SEM1: variants seen among roughly 807,000 people sequenced by gnomAD.
SEM1 encodes SEM1 26S proteasome subunit.
A neutral mutation model predicts 12.7 loss-of-function variants in SEM1; 3 were observed. That is an observed-to-expected ratio of 0.24 (90% CI 0.11 to 0.61). The LOEUF is 0.61. Ranked by LOEUF, SEM1 falls within the 20% of genes least tolerant of loss-of-function variation. The probability of loss-of-function intolerance (pLI) is 0.88; values close to 1 mark genes in which losing one functional copy is unlikely to be tolerated. For synonymous variants in SEM1, 30 were observed against 27.8 expected (o/e 1.08, Z -0.25); for missense variants, 59 against 81.3 (o/e 0.73, Z 1.06).
chr7:96,517,688 GATAGTAACAAATAGTC>G (rs1303952573), intron 2 of SEM1, among the ~76,000 whole-genome samples: 1 of 152,038 alleles, frequency 6.6e-6, no homozygotes, highest in African/African-American at 2.4e-5. Flanking sequence ...GTATGCTTGG[GATAGTAACAAATAGTC>G]ATGGTGAATA....
At chr7:96,545,734 C>G (rs1163269012) in intron 2 of SEM1, among the ~76,000 whole-genome samples, 1 of 152,054 alleles carries the variant, frequency 6.6e-6, no homozygotes, top group Non-Finnish European at 1.5e-5. Context: ...CAAAGACTAT[C>G]CATATTTGGC....
chr7:96,594,348 C>A (rs1398941239), intron 2 of SEM1, among the ~76,000 whole-genome samples: 1 of 152,068 alleles, frequency 6.6e-6, no homozygotes, highest in African/African-American at 2.4e-5. Context: ...GAGCTCCTTC[C>A]CACTCTATTC....
intron 2 of SEM1, chr7:96,664,098 C>G (rs1442575307): frequency 1.3e-5 from 2 of 152,166 alleles, no homozygotes; most frequent in Admixed American, 1.3e-4. Flanking sequence ...GAATTCACAA[C>G]CCAGTAATTC....
chr7:96,491,121 G>A (rs999170075), intron 1 of SEM1, among the ~76,000 whole-genome samples: 6 of 152,260 alleles, frequency 3.9e-5, no homozygotes, highest in African/African-American at 1.4e-4. Context: ...CTTTGAAAGA[G>A]AGAGGTTTGG....
chr7:96,500,793 G>T (rs1034359626), upstream of SEM1, among the ~76,000 whole-genome samples: 19 of 152,244 alleles, frequency 1.2e-4, no homozygotes, highest in East Asian at 5.8e-4. Context: ...TCCTGGAGAG[G>T]AGGTTAGATT....
exon 4 of SEM1, chr7:96,481,813 T>C (rs568067053): frequency 2.3e-4 from 35 of 152,202 alleles, no homozygotes; most frequent in African/African-American, 8.2e-4. Flanking sequence ...TAGTTACCAA[T>C]ATAAAGAATT....
intron 2 of SEM1, among the ~76,000 whole-genome samples, chr7:96,613,739 TATC>T (rs1395582285): frequency 6.6e-6 from 1 of 152,194 alleles, no homozygotes; most frequent in Non-Finnish European, 1.5e-5. Context: ...ACTGTTCTAT[TATC>T]TACTTCTTTG....
chr7:96,509,050 A>C lies in SEM1; in HGVS notation c.171-2352T>G, dbSNP rs1008586094. ...CACCCAGGCTGGAGTGCAGTGGCACAATCTCAGCTCACTGCAACTTCCATC... is the reference window on the plus strand; with the variant it reads ...CACCCAGGCTGGAGTGCAGTGGCACCATCTCAGCTCACTGCAACTTCCATC... On this transcript the variant is annotated intron_variant and NMD_transcript_variant, in intron 2 of 3. Transcript: ENST00000466986. 4.6e-5 allele frequency among the ~76,000 whole-genome samples: 7 copies of C among 151,144 alleles called. No homozygotes were observed. In the East Asian group the frequency reaches 9.8e-4, roughly 21 times the overall value.
At chr7:96,626,660 T>C (rs1808079588) in intron 2 of SEM1, among the ~76,000 whole-genome samples, 1 of 152,148 alleles carries the variant, frequency 6.6e-6, no homozygotes, top group Non-Finnish European at 1.5e-5. Context: ...GAATGATCTT[T>C]CCAATGTTTT....
intron 2 of SEM1, among the ~76,000 whole-genome samples, chr7:96,659,926 A>AAAAAAAAAAAAAAAAAAAAAAAAAAAAAC (rs1788939036): frequency 6.8e-6 from 1 of 147,516 alleles, no homozygotes; most frequent in African/African-American, 2.6e-5. Context: ...AAAAAAAAAA[A>AAAAAAAAAAAAAAAAAAAAAAAAAAAAAC]AAAACAAAAA....
intron 1 of SEM1, among the ~76,000 whole-genome samples, chr7:96,489,705 C>A (rs998962713): frequency 6.6e-6 from 1 of 152,122 alleles, no homozygotes; most frequent in African/African-American, 2.4e-5. Context: ...CCCTCAAAGG[C>A]TCCTGGGAGG....
intron 1 of SEM1, among the ~76,000 whole-genome samples, chr7:96,491,062 A>G (rs369719700): frequency 3.0e-4 from 45 of 152,320 alleles, no homozygotes; most frequent in Middle Eastern, 6.8e-3. Context: ...AAATTCATGT[A>G]TCTCGCTTTG....
intron 2 of SEM1, among the ~76,000 whole-genome samples, chr7:96,549,143 A>G (rs963337073): frequency 6.6e-6 from 1 of 152,160 alleles, no homozygotes; most frequent in Admixed American, 6.5e-5. Context: ...ACTATCCCAC[A>G]TATGCTGTTG....
intron 3 of SEM1, among the ~76,000 whole-genome samples, chr7:96,504,887 G>A (rs141167236): frequency 2.0e-5 from 3 of 151,648 alleles, no homozygotes; most frequent in Non-Finnish European, 2.9e-5. Context: ...AAGACACAAG[G>A]TTGTTTTTCC....
At chr7:96,697,843 G>A (rs899430905) in intron 1 of SEM1, among the ~76,000 whole-genome samples, 4 of 152,108 alleles carry the variant, frequency 2.6e-5, no homozygotes, top group Non-Finnish European at 4.4e-5. Flanking sequence ...AAGTGTTCCT[G>A]CTGAGGGTGT....
At chr7:96,606,240 G>C (rs926603007) in intron 2 of SEM1, among the ~76,000 whole-genome samples, 1 of 152,270 alleles carries the variant, frequency 6.6e-6, no homozygotes, top group African/African-American at 2.4e-5. Flanking sequence ...ATCCACTGGG[G>C]GTAATTGATA....
intron 2 of SEM1, among the ~76,000 whole-genome samples, chr7:96,513,234 C>T (rs4729261): frequency 0.027 from 4,046 of 152,048 alleles, 90 homozygotes; most frequent in East Asian, 0.073. Context: ...AAGAGAGAGG[C>T]ACGGAATGGA....
At position 96,573,595 on chromosome 7, in the gene SEM1, C is replaced by G. The variant is rs79792715; in HGVS notation, c.171-66897G>C. On this transcript the variant is annotated intron_variant and NMD_transcript_variant, in intron 2 of 3. Transcript: ENST00000466986. ...TCTTTAAGAATGTTGAATATTGGCC[C>G]CCCTCTCTTCTACCTTTTAGGGTTT... 5.3e-5 allele frequency among the ~76,000 whole-genome samples: 8 copies of G among 152,202 alleles called. No homozygotes were observed. The East Asian group carries it at 1.5e-3, about 29-fold the overall frequency.
At position 96,616,931 on chromosome 7, in the gene SEM1, C is replaced by A. The variant is rs182194117; in HGVS notation, c.170+77867G>T. On this transcript the variant is annotated intron_variant and NMD_transcript_variant, in intron 2 of 3. Coordinates refer to the SEM1 transcript ENST00000466986. Reference sequence around the variant, plus strand: ...TGTCTATTTTTACACCAGTATTATGCTGCTTTGGTTACTATAGCCTTGTAG... The same window carrying A: ...TGTCTATTTTTACACCAGTATTATGATGCTTTGGTTACTATAGCCTTGTAG... Among the ~76,000 whole-genome samples, 358 of 152,222 alleles carry A rather than the reference C, an allele frequency of 2.4e-3. 1 individual carries two copies. The highest frequency in any genetic ancestry group is 4.3e-3 in the Non-Finnish European group (291 of 67,994).
Sources: allele counts gnomAD v4.1 joint callset (sites outside exome capture counted in the v4.1 genomes callset), GRCh38; gene constraint gnomAD v4.1.1; transcripts MANE v1.5; gene names NCBI Gene and HGNC (gene_info 2026-07-23, HGNC 2026-07-21).